GTF2I: variants seen among roughly 807,000 people sequenced by gnomAD.
The protein encoded by GTF2I is general transcription factor IIi, also known as general transcription factor II-I.
A neutral mutation model predicts 67.6 loss-of-function variants in GTF2I; 12 were observed. The observed-to-expected ratio is 0.18, with a 90% CI of 0.11 to 0.29. The LOEUF (loss-of-function observed/expected upper bound fraction) is 0.29. GTF2I is among the 10% of genes least tolerant of loss of function. The pLI is 1.00. For missense variants in GTF2I, 271 were observed against 580.1 expected, an observed-to-expected ratio of 0.47 and a Z score of 5.47; for synonymous variants, 149 against 197.0, an observed-to-expected ratio of 0.76 and a Z score of 2.04.
intron 12 of GTF2I, among the ~76,000 whole-genome samples, chr7:74,720,235 G>A (rs1253793175): frequency 1.3e-5 from 2 of 152,028 alleles, no homozygotes; most frequent in Non-Finnish European, 2.9e-5. Flanking sequence ...GCACATCTTG[G>A]TACTTTATTA....
At chr7:74,698,536 C>G (rs782555804) in intron 3 of GTF2I, among the ~76,000 whole-genome samples, 1 of 151,838 alleles carries the variant, frequency 6.6e-6, no homozygotes, top group Non-Finnish European at 1.5e-5. Flanking sequence ...CACTTCAGCC[C>G]CCAGACAGCT....
At chr7:74,680,114 A>ATATATATATATATATATATATATG (rs1339021361) in intron 1 of GTF2I, among the ~76,000 whole-genome samples, 2 of 121,500 alleles carry the variant, frequency 1.6e-5, no homozygotes, top group African/African-American at 6.5e-5. Context: ...ATATATATAT[A>ATATATATATATATATATATATATG]TATGTATGTA....
intron 9 of GTF2I, among the ~76,000 whole-genome samples, 171 bp from the exon 10 acceptor site, chr7:74,714,686 A>G (rs1353475862): frequency 6.6e-6 from 1 of 151,710 alleles, no homozygotes; most frequent in African/African-American, 2.4e-5. Context: ...CCATTCACCA[A>G]GACCATAAAT....
chr7:74,665,332 A>G (rs368489338), intron 1 of GTF2I, among the ~76,000 whole-genome samples: 27 of 151,138 alleles, frequency 1.8e-4, no homozygotes, highest in African/African-American at 6.3e-4. Context: ...GCTCACTACA[A>G]CCCCTGCCTC....
At chr7:74,703,411 G>T (rs1168033054) in intron 6 of GTF2I, among the ~76,000 whole-genome samples, 2 of 151,210 alleles carry the variant, frequency 1.3e-5, no homozygotes, top group African/African-American at 4.9e-5. Context: ...ACAGAGTCTC[G>T]CTGTGTCACC....
At chr7:74,722,572 C>T (rs939069065) in intron 12 of GTF2I, among the ~76,000 whole-genome samples, 1 of 152,150 alleles carries the variant, frequency 6.6e-6, no homozygotes, top group Non-Finnish European at 1.5e-5. Context: ...CTGCTGTGGC[C>T]TAACTCTCTG....
chr7:74,668,214 T>A (rs1554389320), intron 1 of GTF2I, among the ~76,000 whole-genome samples: 5 of 146,126 alleles, frequency 3.4e-5, no homozygotes, highest in Non-Finnish European at 1.5e-5. Flanking sequence ...GGTCTTGCTC[T>A]GTTGCCCAGG....
At chr7:74,721,252 G>C (rs1792952542) in intron 12 of GTF2I, among the ~76,000 whole-genome samples, 1 of 152,128 alleles carries the variant, frequency 6.6e-6, no homozygotes, top group African/African-American at 2.4e-5. Flanking sequence ...TCTTGGTCAG[G>C]CTGGTCTCGA....
chr7:74,726,646 C>T (rs1205100703), intron 12 of GTF2I: 5 of 152,208 alleles, frequency 3.3e-5, no homozygotes, highest in African/African-American at 1.2e-4. Context: ...GAGTTTCAGA[C>T]CAGCCTGGGC....
At chr7:74,676,133 T>A (rs1554392329) in intron 1 of GTF2I, among the ~76,000 whole-genome samples, 1 of 152,128 alleles carries the variant, frequency 6.6e-6, no homozygotes, top group African/African-American at 2.4e-5. Flanking sequence ...CAATTTACAT[T>A]GTCTTTTAAG....
At chr7:74,688,849 G>A (rs1554396097) in intron 1 of GTF2I, 1 of 364,962 alleles carries the variant, frequency 2.7e-6, no homozygotes, top group East Asian at 5.6e-5. Context: ...TCTTACTTGG[G>A]AGAAATTTCA....
At chr7:74,671,314 T>G (rs1805431666) in intron 1 of GTF2I, among the ~76,000 whole-genome samples, 1 of 152,072 alleles carries the variant, frequency 6.6e-6, no homozygotes, top group Non-Finnish European at 1.5e-5. Context: ...CTTGAACTCC[T>G]GACCTCAGGT....
intron 3 of GTF2I, among the ~76,000 whole-genome samples, chr7:74,696,585 C>T (rs587676103): frequency 2.1e-4 from 32 of 152,082 alleles, no homozygotes; most frequent in Admixed American, 1.0e-3. Context: ...CTTCACCTCC[C>T]GGGTTCACGC....
At chr7:74,683,610 T>C (rs1229345013) in intron 1 of GTF2I, among the ~76,000 whole-genome samples, 2 of 152,200 alleles carry the variant, frequency 1.3e-5, no homozygotes, top group Non-Finnish European at 2.9e-5. Context: ...CTCAGCACTT[T>C]GGGAGGCTGA....
At chr7:74,727,326 C>T (rs1793974842) in intron 12 of GTF2I, 1 of 152,214 alleles carries the variant, frequency 6.6e-6, no homozygotes, top group African/African-American at 2.4e-5. Context: ...CCTTGATTAA[C>T]ACAGAAGTGT....
chr7:74,664,444 G>GT (rs1266691405), intron 1 of GTF2I, among the ~76,000 whole-genome samples: 8 of 151,938 alleles, frequency 5.3e-5, no homozygotes, highest in African/African-American at 1.2e-4. Flanking sequence ...TTCTGTTTTT[G>GT]TTTTTTTGAG....
At chr7:74,697,788 G>A (rs1447452014) in intron 3 of GTF2I, among the ~76,000 whole-genome samples, 1 of 151,382 alleles carries the variant, frequency 6.6e-6, no homozygotes, top group African/African-American at 2.4e-5. Flanking sequence ...TTATTTTTTT[G>A]AGACGGAGTC....
chr7:74,727,089 A>G (rs1554405866), intron 12 of GTF2I: 1 of 152,230 alleles, frequency 6.6e-6, no homozygotes, highest in African/African-American at 2.4e-5. Context: ...CTGAAATAGT[A>G]TCCTTTACAA....
At chr7:74,678,253 G>A (rs1338914685) in intron 1 of GTF2I, among the ~76,000 whole-genome samples, 10 of 143,044 alleles carry the variant, frequency 7.0e-5, no homozygotes, top group African/African-American at 2.1e-4. Flanking sequence ...CAAGCCTGTT[G>A]AATAATTACA....
Sources: gnomAD v4.1 joint callset for allele counts (sites outside exome capture counted in the v4.1 genomes callset) on GRCh38, gnomAD v4.1.1 for gene constraint, MANE v1.5 for transcripts, NCBI Gene and HGNC (gene_info 2026-07-23, HGNC 2026-07-21) for gene names.